Variants in ZAN observed in about 807,000 individuals in gnomAD.
ZAN encodes zonadhesin (gene/pseudogene).
A neutral mutation model predicts 286.2 loss-of-function variants in ZAN; 260 were observed. The observed-to-expected ratio is 0.91, with a 90% CI of 0.82 to 1.01. The LOEUF (loss-of-function observed/expected upper bound fraction) is 1.01. Ranked by LOEUF, ZAN falls within the 50% of genes least tolerant of loss-of-function variation. The pLI is 0.00. For synonymous variants in ZAN, 1,368 were observed against 1,417.5 expected (o/e 0.97, Z 0.79); for missense variants, 3,410 against 3,639.2 (o/e 0.94, Z 1.62).
chr7:100,784,429 C>T (rs1811426241), intron 35 of ZAN, among the ~76,000 whole-genome samples, 194 bp from the exon 36 acceptor site: 1 of 152,056 alleles, frequency 6.6e-6, no homozygotes. Context: ...TGCCCAGCCG[C>T]TTTTTCCTTG....
At position 100,775,432 on chromosome 7, in the gene ZAN, C is replaced by A; in HGVS notation, c.5884C>A (p.His1962Asn). The A allele has an allele frequency of 1.2e-6, 2 of 1,613,948 alleles. No homozygotes were observed. The highest frequency in any genetic ancestry group is 1.7e-6 in the Non-Finnish European group (2 of 1,179,888). ...CACTCTTGTCCTGGTGAAAGTGTGC[C>A]ACCCCGCCATGGCCTTGCCCTTCTT... ...ACTLVLVKVCHPAMALPFFKI... is the reference protein window; with the variant it reads ...ACTLVLVKVCNPAMALPFFKI... The change falls in exon 32 of 48, where the codon CAC (histidine) becomes AAC (asparagine). Residue 1962 changes from histidine (H) to asparagine (N), a missense_variant. By Grantham distance (68) the His-to-Asn change is moderately conservative. Transcript: ENST00000613979.
intron 17 of ZAN, 78 bp from the exon 18 acceptor site, chr7:100,759,630 TCTCTCCCTGCGGC>T: frequency 1.4e-6 from 2 of 1,424,752 alleles, no homozygotes; most frequent in Admixed American, 2.7e-5. Flanking sequence ...GTGGCGCTCA[TCTCTCCCTGCGGC>T]GCCAGGCTCA....
At chr7:100,767,660 G>C (rs1330043539) in intron 25 of ZAN, among the ~76,000 whole-genome samples, 171 bp from the exon 26 acceptor site, 1 of 150,202 alleles carries the variant, frequency 6.7e-6, no homozygotes, top group Non-Finnish European at 1.5e-5. Context: ...TTCACTTTTT[G>C]TAGAGACGGG....
intron 37 of ZAN, among the ~76,000 whole-genome samples, chr7:100,787,028 C>A (rs1811604387): frequency 6.7e-6 from 1 of 150,158 alleles, no homozygotes; most frequent in African/African-American, 2.5e-5. Context: ...TACCACTGCA[C>A]TCCAGCCTGG....
At chr7:100,744,916 C>T (rs58185223) in intron 7 of ZAN, among the ~76,000 whole-genome samples, 2,286 of 150,634 alleles carry the variant, frequency 0.015, 116 homozygotes, top group African/African-American at 0.052. Context: ...GACAGTCTCG[C>T]TCTGTCGCCC....
intron 40 of ZAN, among the ~76,000 whole-genome samples, chr7:100,791,389 C>CCTTCTCCTCCTCCTCCTCCTT (rs1584634809): frequency 6.6e-6 from 1 of 151,886 alleles, no homozygotes; most frequent in East Asian, 1.9e-4. Context: ...TCTTCCTCCT[C>CCTTCTCCTCCTCCTCCTCCTT]CTTCTCCTCC....
intron 9 of ZAN, 75 bp from the exon 10 acceptor site, chr7:100,748,062 T>C: frequency 8.1e-7 from 1 of 1,230,120 alleles, no homozygotes; most frequent in South Asian, 1.2e-5. Context: ...GGTCCTGGAA[T>C]GGAGTCGAGT....
intron 15 of ZAN, among the ~76,000 whole-genome samples, chr7:100,755,787 G>A (rs1316511508): frequency 2.0e-5 from 3 of 152,120 alleles, no homozygotes; most frequent in Admixed American, 2.0e-4. Context: ...GCCCAGGCTG[G>A]TCTTGAAATC....
chr7:100,759,924 T>C lies in ZAN; in HGVS notation c.3696+79T>C, dbSNP rs1809433004. 4.0e-6 allele frequency: 6 copies of C among 1,518,928 alleles called. No homozygotes were observed. In the South Asian group the frequency reaches 7.8e-5, roughly 20 times the overall value. The allele number at this position is 1,518,928 out of a possible 1,614,324, so 94.1% of individuals were successfully genotyped here. On this transcript the variant is annotated intron_variant, in intron 18 of 47. Coordinates refer to ENST00000613979, the MANE Select transcript of ZAN (RefSeq NM_003386.3). ...CCAACCCTTCCAATCCCTGAACCTT[T>C]CCACGGATGGGGTTCAACAAGACAG...
rs1399341873 is a variant in ZAN at position 100,755,389 on chromosome 7, C to T, written c.3288C>T (p.Phe1096=). ...HCIQASSCNC[F]YNNDYYEPGA... ...TCCAGGCCTCTTCCTGCAATTGCTT[C>T]TACAACAACGACTACTATGAGGTAA... Residue 1096 remains phenylalanine, a synonymous_variant, in exon 15 of 48, where the codon TTC becomes TTT. Coordinates refer to ENST00000613979, the MANE Select transcript of ZAN (RefSeq NM_003386.3). 2 of 1,612,898 alleles carry T rather than the reference C, an allele frequency of 1.2e-6. No homozygotes were observed. Among genetic ancestry groups the T allele is most frequent in the East Asian group, 4.5e-5 (2 of 44,888 alleles).
In ZAN at chr7:100,791,111, C is replaced by T. The variant is rs960981908; in HGVS notation, c.7527C>T (p.Pro2509=). 2.5e-6 allele frequency: 4 copies of T among 1,610,252 alleles called. No individual in the cohort carries two copies. Among genetic ancestry groups the T allele is most frequent in the Admixed American group, 1.7e-5 (1 of 59,624 alleles). ...VKTEDALLRF[P]RAIPAEEEGQ... ...CCGAGGACGCACTCCTGCGCTTCCC[C>T]AGGTGCACGGCCTGGAAGGGATGAG... Residue 2509 remains proline (P), a splice_region_variant and synonymous_variant, in exon 40 of 48, where the codon CCC becomes CCT. Transcript: ENST00000613979.
At chr7:100,748,539 T>A in intron 11 of ZAN, 69 bp downstream of exon 11, 1 of 1,538,644 alleles carries the variant, frequency 6.5e-7, no homozygotes, top group East Asian at 2.4e-5. Flanking sequence ...GGCTGGCTGC[T>A]GTGACTGATG....
chr7:100,765,487 T>C lies in ZAN; in HGVS notation c.4403T>C (p.Leu1468Pro). 1 of 1,612,962 alleles carries C rather than the reference T, an allele frequency of 6.2e-7. No individual in the cohort carries two copies. The highest frequency in any genetic ancestry group is 1.7e-5 in the Admixed American group (1 of 59,828). Residue 1468 changes from leucine (L) to proline (P), a missense_variant, in exon 23 of 48, where the codon CTC becomes CCC. Transcript: ENST00000613979. ...TGTGAATGCAATCCGGGCTTCGTCC[T>C]CAGTGGCCTCGAGTGCATACCTCGC... ...EACECNPGFVLSGLECIPRSQ... is the reference protein window; with the variant it reads ...EACECNPGFVPSGLECIPRSQ...
rs1319283113 is a variant in ZAN, at chr7:100,768,652, A to AC, written c.5085dup (p.Arg1696GlnfsTer18). 1 of 1,610,948 alleles carries AC rather than the reference A, an allele frequency of 6.2e-7. No homozygotes were observed. Among genetic ancestry groups the AC allele is most frequent in the Non-Finnish European group, 8.5e-7 (1 of 1,178,632 alleles). ...AGCTTGGATGACAACCTGCGCCCCG[A>AC]CAGAAAGCTTGCAGGCGATTCCATG... On this transcript the variant is annotated frameshift_variant, in exon 27 of 48. Coordinates refer to ENST00000613979, the MANE Select transcript of ZAN (RefSeq NM_003386.3). LOFTEE classifies it high-confidence loss of function.
At chr7:100,766,911 G>A in intron 24 of ZAN, 99 bp from the exon 25 acceptor site, 1 of 1,556,260 alleles carries the variant, frequency 6.4e-7, no homozygotes, top group Non-Finnish European at 8.7e-7. Flanking sequence ...GTGGGCCGTG[G>A]GGACCATGCC....
Position 100,797,433 on chromosome 7 carries a change from C to CAG in ZAN, c.8339_8340dup (p.Cys2781SerfsTer48). The stretch of plus-strand genomic sequence containing the variant: ...TGGTGGTCGTACTACTGGCCGTGAC[C>CAG]AGAGAGTGCATTTACAGAACGAGGA... On this transcript the variant is annotated frameshift_variant, in exon 46 of 48. Transcript: ENST00000613979. LOFTEE classifies it high-confidence loss of function. The CAG allele has an allele frequency of 1.2e-6, 2 of 1,613,876 alleles. No individual in the cohort carries two copies. Among genetic ancestry groups the CAG allele is most frequent in the East Asian group, 4.5e-5 (2 of 44,872 alleles).
At chr7:100,772,360 G>C (rs1455991270) in intron 29 of ZAN, among the ~76,000 whole-genome samples, 2 of 149,192 alleles carry the variant, frequency 1.3e-5, no homozygotes, top group African/African-American at 4.9e-5. Context: ...AACCTGGGAG[G>C]CAGAGGTTGC....
chr7:100,758,491 C>G, intron 16 of ZAN, 40 bp from the exon 17 acceptor site: 1 of 1,553,848 alleles, frequency 6.4e-7, no homozygotes, highest in Non-Finnish European at 8.7e-7. Context: ...CCTGGAGGAG[C>G]CACAGAAGCA....
chr7:100,779,671 C>A lies in ZAN; in HGVS notation c.6543C>A (p.Cys2181Ter), dbSNP rs1307978484. 8 of 1,571,048 alleles carry A rather than the reference C, an allele frequency of 5.1e-6. No individual in the cohort carries two copies. Among genetic ancestry groups the A allele is most frequent in the Non-Finnish European group, 6.9e-6 (8 of 1,158,402 alleles). ...CEFGGLYQALCQALQAFGATC... is the reference protein window; with the variant it reads ...CEFGGLYQAL Reference sequence around the variant, plus strand: ...TCGGAGGTCTCTACCAGGCCCTCTGCCAGGCTCTGCAAGCCTTCGGGGCCA... The same window carrying A: ...TCGGAGGTCTCTACCAGGCCCTCTGACAGGCTCTGCAAGCCTTCGGGGCCA... The change falls in exon 35 of 48, where the codon TGC becomes TGA. Residue 2181 changes from cysteine (C) to a stop codon, truncating the protein, a stop_gained. Transcript: ENST00000613979. LOFTEE classifies it high-confidence loss of function.
Sources: allele counts gnomAD v4.1 joint callset (sites outside exome capture counted in the v4.1 genomes callset), GRCh38; gene constraint gnomAD v4.1.1; transcripts MANE v1.5; gene names NCBI Gene and HGNC (gene_info 2026-07-23, HGNC 2026-07-21).